DPYSL5: variants seen among roughly 807,000 people sequenced by gnomAD.
The protein encoded by DPYSL5 is dihydropyrimidinase like 5.
A neutral mutation model predicts 58.4 loss-of-function variants in DPYSL5; 9 were observed. That is an observed-to-expected ratio of 0.15 (90% confidence interval 0.09 to 0.27). The LOEUF is 0.27. Among genes scored for constraint, DPYSL5 ranks in the 10% least tolerant of loss-of-function variants. The pLI is 1.00. For synonymous variants in DPYSL5, 293 were observed against 301.9 expected, an observed-to-expected ratio of 0.97 and a Z score of 0.31; for missense variants, 499 against 770.6, an observed-to-expected ratio of 0.65 and a Z score of 4.17.
intron 11 of DPYSL5, among the ~76,000 whole-genome samples, chr2:26,943,866 G>T (rs1665389251): frequency 6.6e-6 from 1 of 152,188 alleles, no homozygotes; most frequent in South Asian, 2.1e-4. Context: ...ATTGCTACTG[G>T]GGGCCTCTCA....
rs1170566523 is a variant in DPYSL5, at chr2:26,947,128, C to A, written c.*133C>A. 9.0e-6 allele frequency: 6 copies of A among 663,324 alleles called. No homozygotes were observed. Among genetic ancestry groups the A allele is most frequent in the Non-Finnish European group, 1.3e-5 (5 of 374,684 alleles). 41.1% of individuals were successfully genotyped at this position (663,324 alleles called of 1,614,324 possible). A position where few individuals can be genotyped will look rare whatever the true frequency, so the allele number is the denominator to read the frequency against. ...GAGGGGGGCCCCGGGACCCACGGAG[C>A]CCTCCCTATGTCTGCAAAGTGATTC... On this transcript the variant is annotated 3_prime_UTR_variant, in exon 13 of 13. Coordinates refer to ENST00000288699, the MANE Select transcript of DPYSL5 (RefSeq NM_020134.4). The surrounding 1 kb of genome is among the most constrained non-coding windows in gnomAD (Gnocchi z 4.2).
In DPYSL5 at chr2:26,942,226, T is replaced by A. The variant is rs1665341403; in HGVS notation, c.1232+134T>A. 1 of 1,299,102 alleles carries A rather than the reference T, an allele frequency of 7.7e-7. No individual in the cohort carries two copies. Among genetic ancestry groups the A allele is most frequent in the African/African-American group, 1.5e-5 (1 of 67,190 alleles). 80.5% of individuals were successfully genotyped at this position (1,299,102 alleles called of 1,614,324 possible). ...TATGGCCCTGGCCTACCGTTGGCCA[T>A]CTTCTCCCTCCATCTTCACACAGTC... On this transcript the variant is annotated intron_variant, in intron 10 of 12. Coordinates refer to ENST00000288699, the MANE Select transcript of DPYSL5 (RefSeq NM_020134.4). This position sits in a 1 kb window ranked among gnomAD's most constrained non-coding sequence, Gnocchi z 5.9.
chr2:26,918,195 T>C (rs533512459), intron 2 of DPYSL5, among the ~76,000 whole-genome samples: 35 of 147,356 alleles, frequency 2.4e-4, no homozygotes, highest in African/African-American at 8.4e-4. Flanking sequence ...TGTAGGGCCT[T>C]GTGCAGCTGC....
intron 2 of DPYSL5, among the ~76,000 whole-genome samples, chr2:26,923,314 G>C (rs1181116985): frequency 6.6e-6 from 1 of 152,178 alleles, no homozygotes; most frequent in African/African-American, 2.4e-5. Context: ...CTGGGCAACA[G>C]AGTGAGACCC....
intron 1 of DPYSL5, among the ~76,000 whole-genome samples, chr2:26,878,853 G>A (rs1250979331): frequency 1.3e-5 from 2 of 152,168 alleles, no homozygotes; most frequent in Non-Finnish European, 2.9e-5. Context: ...GAACATCCTT[G>A]CCTGACTTCT....
Position 26,928,687 on chromosome 2 carries a change from G to GTGTATATA in DPYSL5, c.669+365_669+366insGTATATAT, listed in dbSNP as rs143828804. Among the ~76,000 whole-genome samples, 28 of 60,694 alleles carry GTGTATATA rather than the reference G, an allele frequency of 4.6e-4. 4 individuals are homozygous for GTGTATATA. In the East Asian group the frequency reaches 4.7e-3, roughly 10 times the overall value. The allele number at this position is 60,694 out of a possible 152,430, so 39.8% of individuals were successfully genotyped here. ...ACTGCAATCCAGCCAAGGTGATAGAGTATATATATATATATATACACACAC... is the reference window on the plus strand; with the variant it reads ...ACTGCAATCCAGCCAAGGTGATAGAGTGTATATATATATATATATATATATACACACAC... On this transcript the variant is annotated intron_variant, in intron 5 of 12. Transcript: ENST00000288699.
At chr2:26,931,137 TAAAAAAA>T (rs61652873) in intron 5 of DPYSL5, among the ~76,000 whole-genome samples, 1,791 of 49,666 alleles carry the variant, frequency 0.036, 175 homozygotes, top group African/African-American at 0.085. Context: ...AGACCCTATC[TAAAAAAA>T]AAAAAAAAAT....
At chr2:26,940,552 T>C (rs1392717330) in intron 9 of DPYSL5, among the ~76,000 whole-genome samples, 3 of 151,122 alleles carry the variant, frequency 2.0e-5, no homozygotes, top group African/African-American at 7.3e-5. Flanking sequence ...GGTCTTGAAC[T>C]CATGGGCTCA....
chr2:26,895,739 C>T (rs1663997738), intron 1 of DPYSL5, among the ~76,000 whole-genome samples: 1 of 151,360 alleles, frequency 6.6e-6, no homozygotes, highest in Admixed American at 6.6e-5. Context: ...CTACTCCAGC[C>T]ACTGATAACC....
At position 26,905,896 on chromosome 2, in the gene DPYSL5, C is replaced by T. The variant is rs1664275391; in HGVS notation, c.261+7136C>T. On this transcript the variant is annotated intron_variant, in intron 2 of 12. Coordinates refer to ENST00000288699, the MANE Select transcript of DPYSL5 (RefSeq NM_020134.4). This position sits in a 1 kb window ranked among gnomAD's most constrained non-coding sequence, Gnocchi z 4.0. ...CATGACTAGGTCTTCGGCTCAGAGC[C>T]TCGCAAGCCGCCATCCAGGTGTCAA... Among the ~76,000 whole-genome samples, 1 of 152,186 alleles carries T rather than the reference C, an allele frequency of 6.6e-6. No individual in the cohort carries two copies. Among genetic ancestry groups the T allele is most frequent in the South Asian group, 2.1e-4 (1 of 4,834 alleles).
At position 26,852,056 on chromosome 2, in the gene DPYSL5, G is replaced by A. The variant is rs190925067; in HGVS notation, c.-5+3802G>A. On this transcript the variant is annotated intron_variant, in intron 1 of 12. Coordinates refer to ENST00000288699, the MANE Select transcript of DPYSL5 (RefSeq NM_020134.4). ...ATCTGAGACCCAGTCTATCTTCCTG[G>A]TGTGAAAATTTACCAGTTTCTGATA... Among the ~76,000 whole-genome samples the A allele has an allele frequency of 2.0e-5, 3 of 152,292 alleles. No homozygotes were observed. In the East Asian group the frequency reaches 5.8e-4, roughly 29 times the overall value.
At chr2:26,863,863 TA>T (rs1052873562) in intron 1 of DPYSL5, among the ~76,000 whole-genome samples, 59 of 152,336 alleles carry the variant, frequency 3.9e-4, no homozygotes, top group African/African-American at 1.3e-3. Context: ...CCACATTTTT[TA>T]ATCTTAAGAA....
At position 26,914,402 on chromosome 2, in the gene DPYSL5, C is replaced by T. The variant is rs149718560; in HGVS notation, c.262-10485C>T. Among the ~76,000 whole-genome samples the T allele has an allele frequency of 8.0e-3, 1,221 of 152,316 alleles. 8 individuals are homozygous for T. The highest frequency in any genetic ancestry group is 0.027 in the African/African-American group (1,113 of 41,550). ...CTCCAGGGGTGAGAATTGCAGACCT[C>T]GGAACCATCTTTCCCTGGGGGGTCC... On this transcript the variant is annotated intron_variant, in intron 2 of 12. Transcript: ENST00000288699.
intron 2 of DPYSL5, among the ~76,000 whole-genome samples, chr2:26,909,393 C>T (rs952916496): frequency 2.0e-5 from 3 of 152,136 alleles, no homozygotes; most frequent in African/African-American, 7.2e-5. Flanking sequence ...ATAAATACTA[C>T]CCCTAATTCA....
intron 1 of DPYSL5, among the ~76,000 whole-genome samples, chr2:26,894,727 G>A (rs142403690): frequency 5.9e-5 from 9 of 152,228 alleles, no homozygotes; most frequent in African/African-American, 1.9e-4. Flanking sequence ...TCCTTGGGCC[G>A]TTTCTAGGCT....
chr2:26,921,286 G>A (rs1664696978), intron 2 of DPYSL5, among the ~76,000 whole-genome samples: 1 of 152,182 alleles, frequency 6.6e-6, no homozygotes, highest in Non-Finnish European at 1.5e-5. Context: ...GATCACCTGA[G>A]GTCAGGAGTT....
chr2:26,879,716 G>A (rs529580939), intron 1 of DPYSL5, among the ~76,000 whole-genome samples: 8 of 152,276 alleles, frequency 5.3e-5, no homozygotes, highest in African/African-American at 1.7e-4. Context: ...ACCTTGGGTG[G>A]TGGGGTCAGT....
chr2:26,884,746 G>A (rs927899065), intron 1 of DPYSL5, among the ~76,000 whole-genome samples: 1 of 152,178 alleles, frequency 6.6e-6, no homozygotes, highest in Non-Finnish European at 1.5e-5. Flanking sequence ...GGCCAACTCA[G>A]ATGAACTCAT....
chr2:26,948,295 A>C lies in DPYSL5; in HGVS notation c.*1300A>C, dbSNP rs1194309291. The stretch of plus-strand genomic sequence containing the variant: ...CCCGCATTGCTGCTCAGGTGCCGTG[A>C]TCTCCCGTGGTCGGCACCAGGCCCT... On this transcript the variant is annotated 3_prime_UTR_variant, in exon 13 of 13. Transcript: ENST00000288699. 1 of 152,144 alleles carries C rather than the reference A, an allele frequency of 6.6e-6. No individual in the cohort carries two copies. The allele number at this position is 152,144 out of a possible 1,614,324, so 9.4% of individuals were successfully genotyped here.
Sources: allele counts gnomAD v4.1 joint callset (sites outside exome capture counted in the v4.1 genomes callset), GRCh38; gene constraint gnomAD v4.1.1; non-coding constraint Gnocchi (gnomAD v3.1); transcripts MANE v1.5; gene names NCBI Gene and HGNC (gene_info 2026-07-23, HGNC 2026-07-21).